Variants in PEAK1 observed in about 807,000 individuals in gnomAD.
PEAK1 encodes the protein inactive tyrosine-protein kinase PEAK1.
A neutral mutation model predicts 124.7 loss-of-function variants in PEAK1; 54 were observed. That is an observed-to-expected ratio of 0.43 (90% CI 0.35 to 0.54). The LOEUF (loss-of-function observed/expected upper bound fraction) is 0.54, where lower values mean the gene tolerates loss of function less well. PEAK1 is among the 20% of genes least tolerant of loss of function. PEAK1 has a pLI of 0.01. For missense variants in PEAK1, 2,046 were observed against 2,134.5 expected, an observed-to-expected ratio of 0.96 and a Z score of 0.82; for synonymous variants, 719 against 760.0, an observed-to-expected ratio of 0.95 and a Z score of 0.89.
chr15:77,101,544 A>C (rs1396033644), exon 7 of PEAK1: 2 of 152,226 alleles, frequency 1.3e-5, no homozygotes, highest in African/African-American at 4.8e-5. Context: ...TTTCATCCTG[A>C]CAATGACCCT....
intron 7 of PEAK1, among the ~76,000 whole-genome samples, chr15:77,161,973 A>AAG (rs1754508058): frequency 6.6e-6 from 1 of 151,034 alleles, no homozygotes; most frequent in Non-Finnish European, 1.5e-5. Flanking sequence ...CTCAAAAAAA[A>AAG]AAAAAAAAAA....
At chr15:77,205,615 C>G (rs1159158449) in intron 6 of PEAK1, among the ~76,000 whole-genome samples, 1 of 152,058 alleles carries the variant, frequency 6.6e-6, no homozygotes, top group Non-Finnish European at 1.5e-5. Context: ...TTGTGGCAGT[C>G]CTGTTTCCCT....
intron 6 of PEAK1, among the ~76,000 whole-genome samples, chr15:77,184,735 A>C (rs2152825847): frequency 6.6e-6 from 1 of 152,282 alleles, no homozygotes; most frequent in Non-Finnish European, 1.5e-5. Context: ...TGTCTCTACC[A>C]AAAATACAAA....
At chr15:77,278,339 C>A (rs1368292167) in intron 5 of PEAK1, 1 of 215,330 alleles carries the variant, frequency 4.6e-6, no homozygotes, top group South Asian at 7.3e-5. Flanking sequence ...GAGAAAGAAG[C>A]TAGATTCAAA....
rs557124559 is a variant in PEAK1, at chr15:77,200,346, T to C, written c.-114-18306A>G. Among the ~76,000 whole-genome samples, 4 of 152,308 alleles carry C rather than the reference T, an allele frequency of 2.6e-5. No homozygotes were observed. The South Asian group carries it at 8.3e-4, about 32-fold the overall frequency. The stretch of plus-strand genomic sequence containing the variant: ...CTGTTTATATTATTGATAAGGCTTA[T>C]GGTCAACAGTGGTCAGGTTTTTGAG... On this transcript the variant is annotated intron_variant, in intron 6 of 9. Transcript: ENST00000682557.
rs1174441146 is a variant in PEAK1 at position 77,108,188 on chromosome 15, T to A, written c.*5968A>T. ...TAGTGTGTATTAAAATGAATTTATT[T>A]ACACAGTAACATGATGCCACGGAGT... On this transcript the variant is annotated 3_prime_UTR_variant, in exon 10 of 10. Transcript: ENST00000682557. 4 of 152,196 alleles carry A rather than the reference T, an allele frequency of 2.6e-5. 1 individual carries two copies. The highest frequency in any genetic ancestry group is 2.6e-4 in the Admixed American group (4 of 15,290). The allele number at this position is 152,196 out of a possible 1,614,324, so 9.4% of individuals were successfully genotyped here.
intron 1 of PEAK1, among the ~76,000 whole-genome samples, chr15:77,385,202 G>A (rs2069824589): frequency 6.6e-6 from 1 of 152,020 alleles, no homozygotes; most frequent in South Asian, 2.1e-4. Flanking sequence ...CCATCATAAG[G>A]AAGTTGAGTA....
chr15:77,417,916 A>G (rs1238951784), intron 1 of PEAK1: 3 of 981,594 alleles, frequency 3.1e-6, no homozygotes, highest in Non-Finnish European at 3.6e-6. Flanking sequence ...AAGCAAATAA[A>G]AGTTTTTAAG....
chr15:77,233,525 G>A (rs1434029872), intron 6 of PEAK1, among the ~76,000 whole-genome samples: 1 of 152,020 alleles, frequency 6.6e-6, no homozygotes, highest in Admixed American at 6.6e-5. Context: ...TTCAGTACTA[G>A]ATTTCTCAGT....
chr15:77,189,131 G>C (rs764759841), intron 6 of PEAK1, among the ~76,000 whole-genome samples: 4 of 152,088 alleles, frequency 2.6e-5, no homozygotes, highest in Non-Finnish European at 5.9e-5. Context: ...AACCTGGGAG[G>C]GGGAGGTTGC....
intron 4 of PEAK1, among the ~76,000 whole-genome samples, chr15:77,284,593 T>A (rs996589057): frequency 1.3e-4 from 20 of 152,272 alleles, no homozygotes; most frequent in African/African-American, 4.1e-4. Flanking sequence ...CCTAAATTAC[T>A]TTTTCAAACT....
intron 6 of PEAK1, among the ~76,000 whole-genome samples, chr15:77,202,431 C>CA (rs2058405281): frequency 1.3e-5 from 2 of 151,940 alleles, no homozygotes; most frequent in Admixed American, 6.6e-5. Context: ...TGTATTTTTA[C>CA]AAAAAAGTAA....
intron 2 of PEAK1, chr15:77,337,288 G>A: frequency 2.0e-6 from 2 of 985,044 alleles, no homozygotes; most frequent in Non-Finnish European, 2.4e-6. Context: ...GCCAAGACAA[G>A]AAGTTTATTT....
chr15:77,129,634 C>T (rs576428651), intron 9 of PEAK1, among the ~76,000 whole-genome samples: 9 of 141,266 alleles, frequency 6.4e-5, no homozygotes, highest in African/African-American at 1.0e-4. Flanking sequence ...TTAGCAGAGA[C>T]GGGGTTTTGC....
intron 6 of PEAK1, among the ~76,000 whole-genome samples, chr15:77,191,247 G>A (rs901680502): frequency 6.6e-6 from 1 of 152,140 alleles, no homozygotes; most frequent in Non-Finnish European, 1.5e-5. Flanking sequence ...AAGCTCTTAT[G>A]AAAATGAATT....
chr15:77,407,035 T>A (rs1267676003), intron 1 of PEAK1, among the ~76,000 whole-genome samples: 3 of 152,128 alleles, frequency 2.0e-5, no homozygotes, highest in Non-Finnish European at 2.9e-5. Flanking sequence ...GGATACCCTA[T>A]TCAACAAATG....
chr15:77,237,054 G>A (rs2060156422), intron 6 of PEAK1, among the ~76,000 whole-genome samples: 1 of 152,018 alleles, frequency 6.6e-6, no homozygotes. Context: ...TGCTGCACCT[G>A]GCTAGAAAAT....
rs2050958922 is a variant in PEAK1, at chr15:77,111,243, G to A, written c.*2913C>T. The A allele has an allele frequency of 6.6e-6, 1 of 152,204 alleles. No homozygotes were observed. The highest frequency in any genetic ancestry group is 1.5e-5 in the Non-Finnish European group (1 of 68,042). The allele number at this position is 152,204 out of a possible 1,614,324, so 9.4% of individuals were successfully genotyped here. A position where few individuals can be genotyped will look rare whatever the true frequency, so the allele number is the denominator to read the frequency against. On this transcript the variant is annotated 3_prime_UTR_variant, in exon 10 of 10. Transcript: ENST00000682557. ...AATTCAAACACATAGATATATAAAT[G>A]TGTGTGTATGTGTCTACAGAGGGTA... is the stretch of plus-strand genomic sequence containing the variant.
intron 5 of PEAK1, among the ~76,000 whole-genome samples, chr15:77,264,457 A>G (rs1204943175): frequency 2.0e-5 from 3 of 152,218 alleles, no homozygotes; most frequent in Admixed American, 2.0e-4. Context: ...TTATACACCA[A>G]TAACAGACAA....
Sources: allele counts gnomAD v4.1 joint callset (sites outside exome capture counted in the v4.1 genomes callset), GRCh38; gene constraint gnomAD v4.1.1; transcripts MANE v1.5; gene names NCBI Gene and HGNC (gene_info 2026-07-23, HGNC 2026-07-21).